Variants in ABCA1 observed in about 807,000 individuals in gnomAD.
ABCA1 encodes ATP binding cassette subfamily A member 1.
In ABCA1, 133 loss-of-function variants were observed where a neutral mutation model predicts 262.5. That is an observed-to-expected ratio of 0.51 (90% confidence interval 0.44 to 0.59). The LOEUF (loss-of-function observed/expected upper bound fraction) is 0.59, where lower values mean the gene tolerates loss of function less well. Ranked by LOEUF, ABCA1 falls within the 20% of genes least tolerant of loss-of-function variation. ABCA1 has a pLI of 0.00. For synonymous variants in ABCA1, 1,022 were observed against 1,043.5 expected (o/e 0.98, Z 0.40); for missense variants, 2,452 against 2,777.5 (o/e 0.88, Z 2.63).
At chr9:104,800,291 T>A (rs767344920) in intron 35 of ABCA1, among the ~76,000 whole-genome samples, 1 of 152,200 alleles carries the variant, frequency 6.6e-6, no homozygotes, top group East Asian at 1.9e-4. Context: ...GAGGTTTAGA[T>A]AGGTTAAGTA....
At position 104,828,985 on chromosome 9, in the gene ABCA1, C is replaced by T. The variant is rs1354618776; in HGVS notation, c.2046G>A (p.Trp682Ter). ...RIMGLDNSILWFSWFISSLIP... is the reference protein window; with the variant it reads ...RIMGLDNSIL ...TGAGGCTACTAATGAACCAGCTAAA[C>T]CAGAGGATGCTGTTGTCCAGGCCCA... is the stretch of plus-strand genomic sequence containing the variant. The change falls in exon 15 of 50, where the codon TGG becomes TGA. Residue 682 changes from tryptophan to a stop codon, truncating the protein, a stop_gained. Coordinates refer to ENST00000374736, the MANE Select transcript of ABCA1 (RefSeq NM_005502.4). LOFTEE classifies it high-confidence loss of function. The T allele has an allele frequency of 1.2e-6, 2 of 1,614,048 alleles. No homozygotes were observed. Among genetic ancestry groups the T allele is most frequent in the Non-Finnish European group, 1.7e-6 (2 of 1,180,048 alleles).
chr9:104,915,920 C>T (rs1051957698), intron 1 of ABCA1, among the ~76,000 whole-genome samples: 2 of 152,090 alleles, frequency 1.3e-5, no homozygotes, highest in African/African-American at 2.4e-5. Context: ...GGTCAGAGTG[C>T]CATGCCCTTC....
Position 104,793,260 on chromosome 9 carries a change from C to T in ABCA1, c.5547G>A (p.Val1849=), listed in dbSNP as rs767076840. 2 of 1,614,090 alleles carry T rather than the reference C, an allele frequency of 1.2e-6. No individual in the cohort carries two copies. The highest frequency in any genetic ancestry group is 1.7e-5 in the Admixed American group (1 of 60,018). The change falls in exon 41 of 50, where the codon GTG becomes GTA. Residue 1849 remains valine, a synonymous_variant. Coordinates refer to ENST00000374736, the MANE Select transcript of ABCA1 (RefSeq NM_005502.4). ...RFVSPLSWDL[V]GRNLFAMAVE... ...CGGCCATGGCGAAGAGGTTTCGTCC[C>T]ACCAAGTCCCAAGATAATGGTGACA...
At chr9:104,806,463 C>T (rs1428511438) in intron 30 of ABCA1, 33 bp from the exon 31 acceptor site, 2 of 1,611,448 alleles carry the variant, frequency 1.2e-6, no homozygotes, top group Non-Finnish European at 1.7e-6. Flanking sequence ...GTAGGATTAC[C>T]AGAGATGGCC....
chr9:104,824,675 G>A (rs544094979), intron 17 of ABCA1, 97 bp from the exon 18 acceptor site: 2 of 1,387,292 alleles, frequency 1.4e-6, no homozygotes, highest in African/African-American at 2.8e-5. Context: ...ACATCCTTTG[G>A]AGAAGGAACA....
Position 104,784,157 on chromosome 9 carries a change from A to G in ABCA1, c.*158T>C. 1 of 922,222 alleles carries G rather than the reference A, an allele frequency of 1.1e-6. No individual in the cohort carries two copies. The highest frequency in any genetic ancestry group is 1.6e-5 in the South Asian group (1 of 62,030). The allele number at this position is 922,222 out of a possible 1,614,324, so 57.1% of individuals were successfully genotyped here. On this transcript the variant is annotated 3_prime_UTR_variant, in exon 50 of 50. Transcript: ENST00000374736. ...GCCCCTGTAATGGAATTTTGTTTTC[A>G]TTGCATTGAATTGCATTGCATTGAA...
At chr9:104,791,095 T>A in intron 43 of ABCA1, 67 bp from the exon 44 acceptor site, 1 of 1,079,614 alleles carries the variant, frequency 9.3e-7, no homozygotes, top group South Asian at 1.3e-5. Context: ...CCCTAACACG[T>A]AACTACCTCA....
At chr9:104,921,167 T>A (rs966924755) in intron 1 of ABCA1, among the ~76,000 whole-genome samples, 1 of 152,204 alleles carries the variant, frequency 6.6e-6, no homozygotes, top group African/African-American at 2.4e-5. Flanking sequence ...ACTAAAAAGT[T>A]CTTCCTGGGA....
intron 17 of ABCA1, 63 bp downstream of exon 17, chr9:104,825,620 A>C: frequency 6.5e-7 from 1 of 1,548,110 alleles, no homozygotes; most frequent in South Asian, 1.1e-5. Flanking sequence ...CAGAGATTCT[A>C]GCACAAAGAA....
At chr9:104,869,637 G>A (rs921912276) in intron 5 of ABCA1, among the ~76,000 whole-genome samples, 1 of 152,166 alleles carries the variant, frequency 6.6e-6, no homozygotes, top group African/African-American at 2.4e-5. Flanking sequence ...GCGGGGTGAT[G>A]CAGCTGCTCC....
chr9:104,885,023 G>A (rs1279457931), intron 3 of ABCA1, among the ~76,000 whole-genome samples: 1 of 152,128 alleles, frequency 6.6e-6, no homozygotes, highest in East Asian at 1.9e-4. Flanking sequence ...ATCACCTGAG[G>A]TCAGGAGTTC....
rs570654282 is a variant in ABCA1 at position 104,919,589 on chromosome 9, G to A, written c.-93+8346C>T. 1.5e-3 allele frequency among the ~76,000 whole-genome samples: 230 copies of A among 151,392 alleles called. 1 individual carries two copies. Among genetic ancestry groups the A allele is most frequent in the African/African-American group, 5.3e-3 (218 of 40,990 alleles). On this transcript the variant is annotated intron_variant, in intron 1 of 49. Transcript: ENST00000374736. ...ATTGCGCCACTGCACTCCAGCCTGG[G>A]CAACATAACGAGACTCCATCTCAAA...
chr9:104,842,094 T>C (rs950027608), intron 8 of ABCA1, among the ~76,000 whole-genome samples: 2 of 152,140 alleles, frequency 1.3e-5, no homozygotes, highest in African/African-American at 2.4e-5. Flanking sequence ...GTGAGTGGCG[T>C]GGTCCAGCAC....
At chr9:104,853,121 T>G (rs1835522298) in intron 7 of ABCA1, among the ~76,000 whole-genome samples, 1 of 152,224 alleles carries the variant, frequency 6.6e-6, no homozygotes, top group Admixed American at 6.5e-5. Context: ...TTTCCCTTCT[T>G]TCCCTCATGA....
intron 3 of ABCA1, among the ~76,000 whole-genome samples, chr9:104,887,076 G>A (rs1404300411): frequency 6.6e-6 from 1 of 152,182 alleles, no homozygotes. Context: ...CCAGGAGTTC[G>A]AGACCAGTGT....
chr9:104,902,103 A>C (rs912148482), intron 2 of ABCA1, among the ~76,000 whole-genome samples: 4 of 152,206 alleles, frequency 2.6e-5, no homozygotes, highest in Non-Finnish European at 5.9e-5. Flanking sequence ...AGTTTTTCTC[A>C]AAGGAAGATC....
rs12003906 is a variant in ABCA1, at chr9:104,883,196, G to T, written c.303-39C>A. 24,555 of 1,530,888 alleles carry T rather than the reference G, an allele frequency of 0.016. 1,848 individuals are homozygous for T. The African/African-American group carries it at 0.21, about 13-fold the overall frequency. The allele number at this position is 1,530,888 out of a possible 1,614,324, so 94.8% of individuals were successfully genotyped here. A position where few individuals can be genotyped will look rare whatever the true frequency, so the allele number is the denominator to read the frequency against. On this transcript the variant is annotated intron_variant, in intron 4 of 49. Coordinates refer to ENST00000374736, the MANE Select transcript of ABCA1 (RefSeq NM_005502.4). ...AAGAAAAGGCGAAAGGCTTTAGCTA[G>T]GCCAACTGCCTCTGCTGCTTTACAG...
intron 2 of ABCA1, among the ~76,000 whole-genome samples, chr9:104,890,009 G>A (rs984980678): frequency 2.5e-4 from 38 of 152,208 alleles, no homozygotes; most frequent in South Asian, 2.1e-4. Context: ...GTTACCAGGC[G>A]ATAAATTAGC....
In ABCA1 at chr9:104,917,663, A is replaced by G. The variant is rs571540454; in HGVS notation, c.-93+10272T>C. Among the ~76,000 whole-genome samples the G allele has an allele frequency of 2.0e-5, 3 of 152,204 alleles. No individual in the cohort carries two copies. The South Asian group carries it at 6.2e-4, about 32-fold the overall frequency. ...CAGCTACTAGGGAGGCTGAGGCAGG[A>G]GAATCGCTTGAACCCAGGAGGAAGA... On this transcript the variant is annotated intron_variant, in intron 1 of 49. Transcript: ENST00000374736.
Sources: allele counts gnomAD v4.1 joint callset (sites outside exome capture counted in the v4.1 genomes callset), GRCh38; gene constraint gnomAD v4.1.1; transcripts MANE v1.5; gene names NCBI Gene and HGNC (gene_info 2026-07-23, HGNC 2026-07-21).